Variants in AHNAK2 observed in about 807,000 individuals in gnomAD.
AHNAK2 encodes the protein AHNAK nucleoprotein 2.
In AHNAK2, 18 loss-of-function variants were observed where a neutral mutation model predicts 30.7. The observed-to-expected ratio is 0.59, with a 90% CI of 0.41 to 0.87. AHNAK2 has a LOEUF of 0.87. Among genes scored for constraint, AHNAK2 ranks in the 40% least tolerant of loss-of-function variants. The pLI, the probability that AHNAK2 is intolerant of heterozygous loss-of-function variation, is 0.00. For synonymous variants in AHNAK2, 3,590 were observed against 3,073.8 expected (o/e 1.17, Z -5.56); for missense variants, 8,604 against 7,373.0 (o/e 1.17, Z -6.11).
Position 104,955,091 on chromosome 14 carries a change from C to A in AHNAK2, c.517G>T (p.Asp173Tyr), listed in dbSNP as rs1238770942. 23 of 1,613,344 alleles carry A rather than the reference C, an allele frequency of 1.4e-5. No homozygotes were observed. Among genetic ancestry groups the A allele is most frequent in the Non-Finnish European group, 1.9e-5 (23 of 1,179,848 alleles). The change falls in exon 6 of 7, where the codon GAT (aspartate) becomes TAT (tyrosine). Residue 173 changes from aspartate to tyrosine, a missense_variant. Transcript: ENST00000333244. ...GAATATTGAAGGATTTTGAGAGCAT[C>A]TTCATATTTTATGTTTTCAAAGAAC... ...TVFFENIKYE[D>Y]ALKILQYSEP...
chr14:104,955,184 A>C (rs1898935735), intron 5 of AHNAK2, 43 bp from the exon 6 acceptor site: 2 of 1,565,920 alleles, frequency 1.3e-6, no homozygotes, highest in Admixed American at 3.5e-5. Flanking sequence ...TGTGTGAATG[A>C]GACGGGGTCT....
At position 104,939,547 on chromosome 14, in the gene AHNAK2, A is replaced by T. The variant is rs768747438; in HGVS notation, c.15904T>A (p.Ser5302Thr). ...LSTSEVRIHP[S>T]KGPLPFQMPG... ...ATCTGAAAAGGGAGAGGTCCTTTGG[A>T]TGGATGGATCCTGACCTCAGAAGTG... is the stretch of plus-strand genomic sequence containing the variant. The change falls in exon 7 of 7, where the codon TCC becomes ACC. Residue 5302 changes from serine to threonine, a missense_variant. Ser to Thr is a moderately conservative substitution (Grantham distance 58). Transcript: ENST00000333244. 1 of 1,613,728 alleles carries T rather than the reference A, an allele frequency of 6.2e-7. No homozygotes were observed. Among genetic ancestry groups the T allele is most frequent in the Non-Finnish European group, 8.5e-7 (1 of 1,179,896 alleles).
At position 104,949,088 on chromosome 14, in the gene AHNAK2, C is replaced by T; in HGVS notation, c.6363G>A (p.Val2121=). The change falls in exon 7 of 7, where the codon GTG becomes GTA. Residue 2121 remains valine, a synonymous_variant. Transcript: ENST00000333244. ...GCTTGGCTCTTGGGGCCTGGACGTC[C>T]ACCTCCATGCTGGGCAGAGACACCT... is the stretch of plus-strand genomic sequence containing the variant. The part of the protein sequence containing the change: ...DVEVSLPSME[V]DVQAPRAKLD... 2 of 1,069,956 alleles carry T rather than the reference C, an allele frequency of 1.9e-6. No individual in the cohort carries two copies. The highest frequency in any genetic ancestry group is 2.8e-5 in the African/African-American group (2 of 71,210). The allele number at this position is 1,069,956 out of a possible 1,614,324, so 66.3% of individuals were successfully genotyped here.
At chr14:104,975,190 G>C (rs544683752) in intron 1 of AHNAK2, among the ~76,000 whole-genome samples, 1 of 152,246 alleles carries the variant, frequency 6.6e-6, no homozygotes, top group East Asian at 1.9e-4. Flanking sequence ...CCTGGGCATG[G>C]AGAAGGCCGG....
At position 104,947,701 on chromosome 14, in the gene AHNAK2, G is replaced by A. The variant is rs750566548; in HGVS notation, c.7750C>T (p.Pro2584Ser). ...FKMPEMDLKG[P>S]QLDVKGPKLD... The stretch of plus-strand genomic sequence containing the variant: ...TTGGGGCCCTTGACATCTAGCTGGG[G>A]GCCCTTGAGGTCCATTTCAGGCATC... The change falls in exon 7 of 7, where the codon CCC becomes TCC. Residue 2584 changes from proline to serine, a missense_variant. Pro to Ser is a moderately conservative substitution (Grantham distance 74). Coordinates refer to ENST00000333244, the MANE Select transcript of AHNAK2 (RefSeq NM_138420.4). 6.8e-6 allele frequency: 11 copies of A among 1,612,714 alleles called. No individual in the cohort carries two copies. In the East Asian group the frequency reaches 1.8e-4, roughly 26 times the overall value.
At chr14:104,958,663 A>G (rs1899047304) in intron 1 of AHNAK2, among the ~76,000 whole-genome samples, 1 of 152,214 alleles carries the variant, frequency 6.6e-6, no homozygotes, top group Admixed American at 6.5e-5. Context: ...TTGTAGATTA[A>G]TATAAATTAA....
At chr14:104,958,856 C>T (rs756035078) in intron 1 of AHNAK2, among the ~76,000 whole-genome samples, 2 of 152,118 alleles carry the variant, frequency 1.3e-5, no homozygotes, top group Non-Finnish European at 2.9e-5. Context: ...CACCTAGAAA[C>T]GTCACAGTCA....
Position 104,952,167 on chromosome 14 carries a change from G to T in AHNAK2, c.3284C>A (p.Ala1095Asp), listed in dbSNP as rs151013711. Reference protein sequence around the residue: ...EMPSFKMPKVALKGPQVDVKG... With the variant: ...EMPSFKMPKVDLKGPQVDVKG... ...GACGTCCACCTGGGGGCCCTTGAGGGCCACTTTGGGCATCTTGAAACTGGG... is the reference window on the plus strand; with the variant it reads ...GACGTCCACCTGGGGGCCCTTGAGGTCCACTTTGGGCATCTTGAAACTGGG... The change falls in exon 7 of 7, where the codon GCC (alanine) becomes GAC (aspartate). Residue 1095 changes from alanine (A) to aspartate (D), a missense_variant. Ala to Asp is a moderately radical substitution (Grantham distance 126). Transcript: ENST00000333244. 0.07 allele frequency: 111,488 copies of T among 1,597,340 alleles called. 8,806 individuals carry two copies. Among genetic ancestry groups the T allele is most frequent in the East Asian group, 0.31 (13,509 of 43,956 alleles).
In AHNAK2 at chr14:104,945,151, C is replaced by G; in HGVS notation, c.10300G>C (p.Val3434Leu). Residue 3434 changes from valine to leucine, a missense_variant, in exon 7 of 7, where the codon GTG (valine) becomes CTG (leucine). Transcript: ENST00000333244. ...KAEVTVPDVEVSLPSVEVDVQ... is the reference protein window; with the variant it reads ...KAEVTVPDVELSLPSVEVDVQ... The stretch of plus-strand genomic sequence containing the variant: ...TCCACCTCCACGCTGGGCAGAGACA[C>G]CTCCACATCAGGGACTGTCACTTCC... The G allele has an allele frequency of 6.2e-7, 1 of 1,613,366 alleles. No individual in the cohort carries two copies. The highest frequency in any genetic ancestry group is 8.5e-7 in the Non-Finnish European group (1 of 1,179,754).
chr14:104,951,374 C>G lies in AHNAK2; in HGVS notation c.4077G>C (p.Glu1359Asp), dbSNP rs575474971. 9.3e-7 allele frequency: 1 copy of G among 1,073,280 alleles called. No individual in the cohort carries two copies. The highest frequency in any genetic ancestry group is 2.1e-5 in the Admixed American group (1 of 48,574). 66.5% of individuals were successfully genotyped at this position (1,073,280 alleles called of 1,614,324 possible). Residue 1359 changes from glutamate to aspartate, a missense_variant, in exon 7 of 7, where the codon GAG becomes GAC. Glu to Asp is a conservative substitution (Grantham distance 45, BLOSUM62 2). Transcript: ENST00000333244. ...ASVDLSAPKV[E>D]ADMSLPSMQG... is the part of the protein sequence containing the mutation. ...GCATGGAGGGGAGGCTCATGTCGGC[C>G]TCCACCTTGGGTGCAGACAGGTCCA...
chr14:104,951,278 T>C lies in AHNAK2; in HGVS notation c.4173A>G (p.Gln1391=), dbSNP rs373373127. 81 of 1,056,752 alleles carry C rather than the reference T, an allele frequency of 7.7e-5. 29 individuals carry two copies. Among genetic ancestry groups the C allele is most frequent in the Middle Eastern group, 5.5e-4 (2 of 3,648 alleles). 65.5% of individuals were successfully genotyped at this position (1,056,752 alleles called of 1,614,324 possible). The change falls in exon 7 of 7, where the codon CAA becomes CAG. Residue 1391 remains glutamine, a synonymous_variant. Transcript: ENST00000333244. ...PSTDLELQAG[Q]LDVKLPEGPV... ...GGCCCTCTGGGAGTTTCACGTCCAA[T>C]TGGCCAGCCTGGAGCTCCAGGTCAG...
Position 104,949,440 on chromosome 14 carries a change from C to T in AHNAK2, c.6011G>A (p.Gly2004Glu), listed in dbSNP as rs556772512. The change falls in exon 7 of 7, where the codon GGG becomes GAG. Residue 2004 changes from glycine (G) to glutamate (E), a missense_variant. Physicochemically the swap from Gly to Glu is moderately conservative, Grantham distance 98. Coordinates refer to ENST00000333244, the MANE Select transcript of AHNAK2 (RefSeq NM_138420.4). ...KMPSFGVSAP[G>E]RSIEASVDVP... Reference sequence around the variant, plus strand: ...ATCCACCGAGGCCTCGATGGACCTCCCTGGGGCCGATACCCCGAACGACGG... The same window carrying T: ...ATCCACCGAGGCCTCGATGGACCTCTCTGGGGCCGATACCCCGAACGACGG... The T allele has an allele frequency of 5.0e-5, 79 of 1,587,764 alleles. 2 individuals carry two copies. In the African/African-American group the frequency reaches 7.5e-4, roughly 15 times the overall value.
chr14:104,945,943 C>T lies in AHNAK2; in HGVS notation c.9508G>A (p.Ala3170Thr). ...KSIEVLVDVSAPKVEADLSLP... is the reference protein window; with the variant it reads ...KSIEVLVDVSTPKVEADLSLP... ...CTCAGGTCGGCCTCCACCTTTGGCG[C>T]AGACACATCCACCAAGACCTCAATG... is the stretch of plus-strand genomic sequence containing the variant. The change falls in exon 7 of 7, where the codon GCG becomes ACG. Residue 3170 changes from alanine to threonine, a missense_variant. Transcript: ENST00000333244. 1 of 1,249,928 alleles carries T rather than the reference C, an allele frequency of 8.0e-7. No homozygotes were observed. The highest frequency in any genetic ancestry group is 1.1e-6 in the Non-Finnish European group (1 of 882,626). 77.4% of individuals were successfully genotyped at this position (1,249,928 alleles called of 1,614,324 possible).
Position 104,949,353 on chromosome 14 carries a change from G to T in AHNAK2, c.6098C>A (p.Thr2033Asn), listed in dbSNP as rs1283247391. ...AGGGGGCTGAATGCTGAGGTCAGTG[G>T]TCTTCAGGTCCCCCTGCATGGAGGG... ...SLPSMQGDLK[T>N]TDLSIQPPSA... Residue 2033 changes from threonine (T) to asparagine (N), a missense_variant, in exon 7 of 7, where the codon ACC becomes AAC. Thr to Asn is a moderately conservative substitution (Grantham distance 65). Coordinates refer to ENST00000333244, the MANE Select transcript of AHNAK2 (RefSeq NM_138420.4). The T allele has an allele frequency of 2.6e-6, 4 of 1,566,742 alleles. No homozygotes were observed. The African/African-American group carries it at 5.6e-5, about 22-fold the overall frequency.
In AHNAK2 at chr14:104,938,708, G is replaced by A. The variant is rs1309917729; in HGVS notation, c.16743C>T (p.Val5581=). The change falls in exon 7 of 7, where the codon GTC becomes GTT. Residue 5581 remains valine, a synonymous_variant. Coordinates refer to ENST00000333244, the MANE Select transcript of AHNAK2 (RefSeq NM_138420.4). ...GEPFEMISSS[V]NVLGQQTLTF... is the part of the protein sequence containing the mutation. The stretch of plus-strand genomic sequence containing the variant: ...TGAGTGTTTGCTGTCCCAGTACATT[G>A]ACGCTGGAAGAGATCATCTCAAATG... 2 of 1,613,346 alleles carry A rather than the reference G, an allele frequency of 1.2e-6. No individual in the cohort carries two copies. The highest frequency in any genetic ancestry group is 2.2e-5 in the East Asian group (1 of 44,892).
In AHNAK2 at chr14:104,954,450, T is replaced by C. The variant is rs1898907507; in HGVS notation, c.1001A>G (p.Gln334Arg). Residue 334 changes from glutamine to arginine, a missense_variant, in exon 7 of 7, where the codon CAG becomes CGG. Transcript: ENST00000333244. This position sits in a 1 kb window ranked among gnomAD's most constrained non-coding sequence, Gnocchi z 4.3. Reference protein sequence around the residue: ...LNLRFRTGSGQGPSSTGQPGR... With the variant: ...LNLRFRTGSGRGPSSTGQPGR... The stretch of plus-strand genomic sequence containing the variant: ...TGGCTGTCCTGTCGATGAAGGGCCC[T>C]GTCCCGAGCCTGTCCTGAATCTGAG... 6.2e-7 allele frequency: 1 copy of C among 1,612,602 alleles called. No homozygotes were observed. The highest frequency in any genetic ancestry group is 1.1e-5 in the South Asian group (1 of 90,998).
rs1306856404 is a variant in AHNAK2, at chr14:104,947,391, A to G, written c.8060T>C (p.Met2687Thr). The change falls in exon 7 of 7, where the codon ATG becomes ACG. Residue 2687 changes from methionine (M) to threonine (T), a missense_variant. By Grantham distance (81) the Met-to-Thr change is moderately conservative. Coordinates refer to ENST00000333244, the MANE Select transcript of AHNAK2 (RefSeq NM_138420.4). The stretch of plus-strand genomic sequence containing the variant: ...GTCAGTGGTCTTAAGGTCCCCTTGC[A>G]TGGAGGGGAGGCTCATGTCGGCTTC... ...KVEADMSLPS[M>T]QGDLKTTDIS... 3 of 1,612,514 alleles carry G rather than the reference A, an allele frequency of 1.9e-6. No homozygotes were observed. In the South Asian group the frequency reaches 3.3e-5, roughly 18 times the overall value.
intron 1 of AHNAK2, among the ~76,000 whole-genome samples, chr14:104,965,174 C>T (rs569572882): frequency 6.6e-6 from 1 of 152,062 alleles, no homozygotes; most frequent in Non-Finnish European, 1.5e-5. Context: ...ACGGACGCCC[C>T]GATGGATAAT....
chr14:104,965,417 A>AG (rs1283354036), intron 1 of AHNAK2, among the ~76,000 whole-genome samples: 3 of 150,370 alleles, frequency 2.0e-5, no homozygotes, highest in African/African-American at 7.3e-5. Flanking sequence ...AAAAAAAAAA[A>AG]AAAAGAAAAG....
Sources: allele counts gnomAD v4.1 joint callset (sites outside exome capture counted in the v4.1 genomes callset), GRCh38; gene constraint gnomAD v4.1.1; non-coding constraint Gnocchi (gnomAD v3.1); transcripts MANE v1.5; gene names NCBI Gene and HGNC (gene_info 2026-07-23, HGNC 2026-07-21).